The following KALRN variants were observed in gnomAD, a reference collection of about 807,000 sequenced individuals.
KALRN encodes the protein kalirin.
Under a neutral mutation model 353.7 loss-of-function variants are expected in KALRN, and 70 were observed. The observed-to-expected ratio is 0.20, with a 90% CI of 0.16 to 0.24. The LOEUF (loss-of-function observed/expected upper bound fraction) is 0.24. Among genes scored for constraint, KALRN ranks in the 10% least tolerant of loss-of-function variants. The pLI is 1.00. For synonymous variants in KALRN, 1,391 were observed against 1,434.8 expected, an observed-to-expected ratio of 0.97 and a Z score of 0.69; for missense variants, 2,791 against 3,756.7, an observed-to-expected ratio of 0.74 and a Z score of 6.72.
chr3:124,165,196 A>G (rs1225767470), intron 1 of KALRN, among the ~76,000 whole-genome samples: 1 of 152,254 alleles, frequency 6.6e-6, no homozygotes, highest in African/African-American at 2.4e-5. Context: ...ACTGAATTAT[A>G]AAATATAATC....
intron 14 of KALRN, among the ~76,000 whole-genome samples, chr3:124,416,644 T>A (rs1240276056): frequency 6.6e-6 from 1 of 152,220 alleles, no homozygotes. Flanking sequence ...ACTTCTGGGC[T>A]TAGGGAAATG....
chr3:124,518,769 A>G lies in KALRN; in HGVS notation c.4935+22356A>G, dbSNP rs1408240314. ...CCCAATGGCCCAATGTACTTCCCCC[A>G]GATCCCACTCAGAACAGCAGGTACG... is the stretch of plus-strand genomic sequence containing the variant. On this transcript the variant is annotated intron_variant, in intron 33 of 59. Transcript: ENST00000682506. The G allele has an allele frequency of 1.8e-5, 24 of 1,318,314 alleles. No individual in the cohort carries two copies. The East Asian group carries it at 6.6e-4, about 37-fold the overall frequency. 81.7% of individuals were successfully genotyped at this position (1,318,314 alleles called of 1,614,324 possible).
At chr3:124,245,622 C>T (rs2081029866) in intron 3 of KALRN, among the ~76,000 whole-genome samples, 1 of 151,846 alleles carries the variant, frequency 6.6e-6, no homozygotes. Flanking sequence ...ATGAGTGTTT[C>T]CCTTTTTCTG....
chr3:124,253,042 CTT>C (rs2071404172), intron 3 of KALRN, among the ~76,000 whole-genome samples: 1 of 152,184 alleles, frequency 6.6e-6, no homozygotes, highest in South Asian at 2.1e-4. Context: ...GATAATGTGT[CTT>C]TAACACTTTT....
chr3:124,065,595 C>A (rs2042284991), intron 1 of KALRN, among the ~76,000 whole-genome samples: 1 of 132,638 alleles, frequency 7.5e-6, no homozygotes, highest in African/African-American at 2.9e-5. Flanking sequence ...TTATACTATT[C>A]TTTCTACTTT....
chr3:124,546,317 G>A (rs903400644), intron 33 of KALRN, among the ~76,000 whole-genome samples: 1 of 146,294 alleles, frequency 6.8e-6, no homozygotes, highest in Non-Finnish European at 1.5e-5. Context: ...AAAAAAATTA[G>A]CCAGGTATAG....
chr3:124,670,010 C>A (rs2086203372), intron 47 of KALRN, among the ~76,000 whole-genome samples: 1 of 150,364 alleles, frequency 6.7e-6, no homozygotes, highest in African/African-American at 2.5e-5. Flanking sequence ...CGCTCTGTCG[C>A]CCAGGCTGGA....
chr3:124,415,867 T>C (rs959554067), intron 14 of KALRN, among the ~76,000 whole-genome samples: 1 of 152,188 alleles, frequency 6.6e-6, no homozygotes, highest in African/African-American at 2.4e-5. Context: ...GACTTGTGAA[T>C]CTGAATGTAG....
intron 33 of KALRN, chr3:124,504,799 C>T: frequency 2.1e-6 from 1 of 465,144 alleles, no homozygotes; most frequent in South Asian, 1.6e-5. Context: ...GAGGACTGAG[C>T]TGCCAGAACC....
chr3:124,465,146 G>C (rs116464149), intron 25 of KALRN, among the ~76,000 whole-genome samples: 4,299 of 152,050 alleles, frequency 0.028, 205 homozygotes, highest in African/African-American at 0.096. Flanking sequence ...TCTGTGGGCT[G>C]TCTTTACTGT....
intron 33 of KALRN, among the ~76,000 whole-genome samples, chr3:124,546,837 C>T (rs934827723): frequency 6.6e-6 from 1 of 152,088 alleles, no homozygotes; most frequent in African/African-American, 2.4e-5. Flanking sequence ...GAGAGAACTT[C>T]GAGAATACAG....
intron 10 of KALRN, among the ~76,000 whole-genome samples, chr3:124,349,037 C>T (rs533617031): frequency 1.3e-5 from 2 of 152,282 alleles, no homozygotes; most frequent in South Asian, 4.2e-4. Flanking sequence ...GATATTTATA[C>T]ACCCATTTTC....
chr3:124,141,701 T>C (rs1325589776), intron 1 of KALRN, among the ~76,000 whole-genome samples: 1 of 152,250 alleles, frequency 6.6e-6, no homozygotes. Flanking sequence ...ACTGCCTGGT[T>C]CTCATTCTTT....
chr3:124,387,583 A>G (rs1027658474), intron 11 of KALRN, among the ~76,000 whole-genome samples: 1 of 152,182 alleles, frequency 6.6e-6, no homozygotes, highest in African/African-American at 2.4e-5. Flanking sequence ...TGCCACAAAG[A>G]CTTTTATATA....
chr3:124,595,053 G>T (rs2076152196), intron 34 of KALRN, among the ~76,000 whole-genome samples: 2 of 151,408 alleles, frequency 1.3e-5, no homozygotes, highest in African/African-American at 4.9e-5. Context: ...AGAGAACCTT[G>T]ATTTTTTTTT....
intron 34 of KALRN, among the ~76,000 whole-genome samples, chr3:124,564,958 A>G (rs1201331862): frequency 6.6e-6 from 1 of 152,258 alleles, no homozygotes; most frequent in Non-Finnish European, 1.5e-5. Flanking sequence ...CCTTCTATGC[A>G]GACCTGTGCT....
At chr3:124,150,920 A>T (rs1175220944) in intron 1 of KALRN, among the ~76,000 whole-genome samples, 1 of 152,186 alleles carries the variant, frequency 6.6e-6, no homozygotes, top group Admixed American at 6.5e-5. Context: ...AGCATCATAG[A>T]TTAGTTTGCC....
intron 1 of KALRN, among the ~76,000 whole-genome samples, chr3:124,175,457 G>A (rs1024904489): frequency 2.0e-5 from 3 of 151,980 alleles, no homozygotes; most frequent in East Asian, 1.9e-4. Context: ...TCCAGGATGC[G>A]GAGGTGCGTG....
At chr3:124,089,358 G>C (rs189540106) in intron 1 of KALRN, among the ~76,000 whole-genome samples, 274 of 152,260 alleles carry the variant, frequency 1.8e-3, no homozygotes, top group African/African-American at 6.0e-3. Flanking sequence ...CTTCAGCTGT[G>C]GTAACTGGCA....
Sources: allele counts gnomAD v4.1 joint callset (sites outside exome capture counted in the v4.1 genomes callset), GRCh38; gene constraint gnomAD v4.1.1; transcripts MANE v1.5; gene names NCBI Gene and HGNC (gene_info 2026-07-23, HGNC 2026-07-21).